A4GALT: variants seen among roughly 807,000 people sequenced by gnomAD.
A4GALT encodes alpha 1,4-galactosyltransferase (P1PK blood group), also known as lactosylceramide 4-alpha-galactosyltransferase.
For missense variants in A4GALT, 512 were observed against 486.0 expected (o/e 1.05, Z -0.50); for synonymous variants, 257 against 220.7 (o/e 1.16, Z -1.46).
At chr22:42,710,436 C>T (rs1921577681) in intron 1 of A4GALT, among the ~76,000 whole-genome samples, 1 of 152,128 alleles carries the variant, frequency 6.6e-6, no homozygotes. Context: ...TGGCCCACAC[C>T]TGTAATCCCA....
rs775125442 is a variant in A4GALT at position 42,693,154 on chromosome 22, G to C, written c.798C>G (p.Ser266Arg). The change falls in exon 3 of 3, where the codon AGC becomes AGG. Residue 266 changes from serine to arginine, a missense_variant. Transcript: ENST00000642412. ...RVFKKWCSIR[S>R]LAESRACRGV... ...CGCGGCAGGCGCGGCTCTCGGCCAG[G>C]CTGCGGATGGAACACCACTTCTTGA... 3.8e-6 allele frequency: 6 copies of C among 1,597,868 alleles called. No homozygotes were observed. Among genetic ancestry groups the C allele is most frequent in the Non-Finnish European group, 5.1e-6 (6 of 1,173,480 alleles).
chr22:42,719,924 G>A (rs1050883510), intron 1 of A4GALT, among the ~76,000 whole-genome samples: 16 of 152,266 alleles, frequency 1.1e-4, no homozygotes, highest in Admixed American at 1.0e-3. Context: ...GGGTGCAGGG[G>A]AAATGGCGCT....
chr22:42,703,286 C>T (rs1920939536), intron 1 of A4GALT, among the ~76,000 whole-genome samples: 2 of 142,986 alleles, frequency 1.4e-5, no homozygotes, highest in Non-Finnish European at 3.0e-5. Flanking sequence ...GACAGAGTCT[C>T]ACTCTATTGC....
At chr22:42,716,976 G>C (rs762766411) in intron 1 of A4GALT, among the ~76,000 whole-genome samples, 6 of 152,212 alleles carry the variant, frequency 3.9e-5, no homozygotes, top group Non-Finnish European at 5.9e-5. Flanking sequence ...TGACTGCACA[G>C]CGTGACCGCA....
intron 1 of A4GALT, among the ~76,000 whole-genome samples, chr22:42,708,538 GAA>G (rs1746796632): frequency 6.9e-6 from 1 of 145,164 alleles, no homozygotes; most frequent in South Asian, 2.2e-4. Flanking sequence ...TTGAGAAGAG[GAA>G]AGAGAGAAGG....
chr22:42,712,953 C>T (rs868440719), intron 1 of A4GALT, among the ~76,000 whole-genome samples: 46 of 152,134 alleles, frequency 3.0e-4, no homozygotes, highest in African/African-American at 9.9e-4. Flanking sequence ...CATTCTCCCC[C>T]CGCTCCCCCA....
At position 42,692,591 on chromosome 22, in the gene A4GALT, C is replaced by T. The variant is rs373093923; in HGVS notation, c.*299G>A. The T allele has an allele frequency of 1.9e-6, 1 of 540,426 alleles. No homozygotes were observed. Among genetic ancestry groups the T allele is most frequent in the Non-Finnish European group, 3.6e-6 (1 of 281,096 alleles). The allele number at this position is 540,426 out of a possible 1,614,324, so 33.5% of individuals were successfully genotyped here. A position where few individuals can be genotyped will look rare whatever the true frequency, so the allele number is the denominator to read the frequency against. On this transcript the variant is annotated 3_prime_UTR_variant, in exon 3 of 3. Coordinates refer to ENST00000642412, the MANE Select transcript of A4GALT (RefSeq NM_017436.7). This position sits in a 1 kb window ranked among gnomAD's most constrained non-coding sequence, Gnocchi z 4.6. Reference sequence around the variant, plus strand: ...TCTGTCCCAACTGCCTGGCTTTCCGCACCACCTGGGGGTGCCCTGAGGTTC... The same window carrying T: ...TCTGTCCCAACTGCCTGGCTTTCCGTACCACCTGGGGGTGCCCTGAGGTTC...
intron 1 of A4GALT, among the ~76,000 whole-genome samples, 186 bp downstream of exon 1, chr22:42,720,611 C>T (rs1172467474): frequency 6.6e-6 from 1 of 152,052 alleles, no homozygotes; most frequent in African/African-American, 2.4e-5. Context: ...GAGGCGGTGG[C>T]CGGGACCGCC....
Position 42,693,161 on chromosome 22 carries a change from A to C in A4GALT, c.791T>G (p.Ile264Ser). The C allele has an allele frequency of 6.3e-7, 1 of 1,597,414 alleles. No homozygotes were observed. The highest frequency in any genetic ancestry group is 2.3e-5 in the East Asian group (1 of 43,776). Residue 264 changes from isoleucine (I) to serine (S), a missense_variant, in exon 3 of 3, where the codon ATC (isoleucine) becomes AGC (serine). Physicochemically the swap from Ile to Ser is moderately radical, Grantham distance 142 (BLOSUM62 -2). Coordinates refer to ENST00000642412, the MANE Select transcript of A4GALT (RefSeq NM_017436.7). ...GGCGCGGCTCTCGGCCAGGCTGCGG[A>C]TGGAACACCACTTCTTGAAGACCCG... ...LTRVFKKWCS[I>S]RSLAESRACR...
chr22:42,698,722 C>T (rs1451078387), intron 1 of A4GALT, among the ~76,000 whole-genome samples: 1 of 152,212 alleles, frequency 6.6e-6, no homozygotes, highest in East Asian at 1.9e-4. Flanking sequence ...GAGGCTGACA[C>T]CTACTGGGCT....
chr22:42,693,995 G>T lies in A4GALT; in HGVS notation c.-44C>A. 1 of 1,526,854 alleles carries T rather than the reference G, an allele frequency of 6.5e-7. No homozygotes were observed. Among genetic ancestry groups the T allele is most frequent in the South Asian group, 1.2e-5 (1 of 83,924 alleles). 94.6% of individuals were successfully genotyped at this position (1,526,854 alleles called of 1,614,324 possible). The stretch of plus-strand genomic sequence containing the variant: ...CAGGAGCTTCCAGCAGGAACCGGCT[G>T]GTCTGCAAGAGATGAGCACCCGCCA... On this transcript the variant is annotated splice_region_variant and 5_prime_UTR_variant, in exon 3 of 3. Transcript: ENST00000642412.
rs1930888552 is a variant in A4GALT, at chr22:42,695,867, T to C, written c.-187-236A>G. Among the ~76,000 whole-genome samples the C allele has an allele frequency of 2.0e-5, 3 of 152,062 alleles. No individual in the cohort carries two copies. In the South Asian group the frequency reaches 6.2e-4, roughly 32 times the overall value. On this transcript the variant is annotated intron_variant, in intron 1 of 2. Coordinates refer to ENST00000642412, the MANE Select transcript of A4GALT (RefSeq NM_017436.7). ...AGTTCTCAGTCTGGTGGGGGCATCATTTAGAAACAGACAAAGAGGCCAGGC... is the reference window on the plus strand; with the variant it reads ...AGTTCTCAGTCTGGTGGGGGCATCACTTAGAAACAGACAAAGAGGCCAGGC...
intron 1 of A4GALT, among the ~76,000 whole-genome samples, chr22:42,715,039 T>TG (rs1922044772): frequency 1.1e-4 from 4 of 36,186 alleles, no homozygotes; most frequent in Non-Finnish European, 1.7e-4. Context: ...GCAGAGTATG[T>TG]GGGGTGGGGG....
chr22:42,703,324 C>T (rs1348037125), intron 1 of A4GALT, among the ~76,000 whole-genome samples: 5 of 149,218 alleles, frequency 3.4e-5, no homozygotes, highest in Non-Finnish European at 7.4e-5. Flanking sequence ...GGCACGATCT[C>T]AGCTCACTGC....
At chr22:42,708,310 G>A (rs1984879159) in intron 1 of A4GALT, among the ~76,000 whole-genome samples, 1 of 151,976 alleles carries the variant, frequency 6.6e-6, no homozygotes, top group Non-Finnish European at 1.5e-5. Context: ...CCCAGGAGAA[G>A]GAGGTTGCAG....
Position 42,693,801 on chromosome 22 carries a change from G to T in A4GALT, c.151C>A (p.Gln51Lys), listed in dbSNP as rs936266473. The change falls in exon 3 of 3, where the codon CAG becomes AAG. Residue 51 changes from glutamine (Q) to lysine (K), a missense_variant. Physicochemically the swap from Gln to Lys is moderately conservative, Grantham distance 53. Transcript: ENST00000642412. ...HVVGEPKEKGQLYNLPAEIPC... is the reference protein window; with the variant it reads ...HVVGEPKEKGKLYNLPAEIPC... Reference sequence around the variant, plus strand: ...ATCTCTGCTGGCAGGTTATAGAGCTGCCCTTTCTCCTTGGGCTCTCCCACA... The same window carrying T: ...ATCTCTGCTGGCAGGTTATAGAGCTTCCCTTTCTCCTTGGGCTCTCCCACA... The T allele has an allele frequency of 6.2e-7, 1 of 1,603,372 alleles. No individual in the cohort carries two copies. Among genetic ancestry groups the T allele is most frequent in the Non-Finnish European group, 8.5e-7 (1 of 1,175,192 alleles).
chr22:42,709,048 A>AATAT lies in A4GALT; in HGVS notation c.-188+11745_-188+11748dup, dbSNP rs149743579. On this transcript the variant is annotated intron_variant, in intron 1 of 2. Coordinates refer to ENST00000642412, the MANE Select transcript of A4GALT (RefSeq NM_017436.7). ...AGGAACATATAGAAAGGAAAATTTA[A>AATAT]ATATATATATATATATATATTTTTT... Among the ~76,000 whole-genome samples, 402 of 131,192 alleles carry AATAT rather than the reference A, an allele frequency of 3.1e-3. 3 individuals are homozygous for AATAT. The highest frequency in any genetic ancestry group is 9.0e-3 in the African/African-American group (336 of 37,530). The allele number at this position is 131,192 out of a possible 152,430, so 86.1% of individuals were successfully genotyped here.
At chr22:42,700,411 C>T (rs1162153521) in intron 1 of A4GALT, among the ~76,000 whole-genome samples, 2 of 152,118 alleles carry the variant, frequency 1.3e-5, no homozygotes, top group Non-Finnish European at 2.9e-5. Flanking sequence ...AAGCCACGGT[C>T]GGGTGGTGGG....
chr22:42,715,498 G>C (rs1212375103), intron 1 of A4GALT, among the ~76,000 whole-genome samples: 1 of 152,036 alleles, frequency 6.6e-6, no homozygotes, highest in Non-Finnish European at 1.5e-5. Flanking sequence ...GAGGTGTGAG[G>C]ATCACTTGAG....
Sources: allele counts gnomAD v4.1 joint callset (sites outside exome capture counted in the v4.1 genomes callset), GRCh38; gene constraint gnomAD v4.1.1; non-coding constraint Gnocchi (gnomAD v3.1); transcripts MANE v1.5; gene names NCBI Gene and HGNC (gene_info 2026-07-23, HGNC 2026-07-21).